The following SLC30A9 variants were observed in gnomAD, a reference collection of about 807,000 sequenced individuals.
SLC30A9 encodes the protein solute carrier family 30 member 9.
SLC30A9 carries 58 observed loss-of-function variants against 87.5 expected under a neutral mutation model. The ratio of observed to expected loss-of-function variants is 0.66; its 90% CI spans 0.54 to 0.82. SLC30A9 has a LOEUF of 0.82. Ranked by LOEUF, SLC30A9 falls within the 40% of genes least tolerant of loss-of-function variation. The pLI is 0.00. For synonymous variants in SLC30A9, 234 were observed against 233.0 expected, an observed-to-expected ratio of 1.00 and a Z score of -0.04; for missense variants, 557 against 679.1, an observed-to-expected ratio of 0.82 and a Z score of 2.00.
At chr4:42,023,215 G>T in intron 5 of SLC30A9, 87 bp from the exon 6 acceptor site, 1 of 935,160 alleles carries the variant, frequency 1.1e-6, no homozygotes. Context: ...TTTGTTGTAA[G>T]ATTCTCATTA....
At chr4:42,070,725 A>G in intron 15 of SLC30A9, 34 bp downstream of exon 15, 1 of 1,543,250 alleles carries the variant, frequency 6.5e-7, no homozygotes, top group Non-Finnish European at 8.8e-7. Context: ...GTTAAGGCTT[A>G]CAAAAACATA....
rs905349135 is a variant in SLC30A9, at chr4:42,065,251, A to G, written c.1033-59A>G. The G allele has an allele frequency of 1.8e-5, 16 of 885,614 alleles. No individual in the cohort carries two copies. The South Asian group carries it at 1.9e-4, about 10-fold the overall frequency. The allele number at this position is 885,614 out of a possible 1,614,324, so 54.9% of individuals were successfully genotyped here. A position where few individuals can be genotyped will look rare whatever the true frequency, so the allele number is the denominator to read the frequency against. On this transcript the variant is annotated intron_variant, in intron 11 of 17. Coordinates refer to ENST00000264451, the MANE Select transcript of SLC30A9 (RefSeq NM_006345.4). ...GTTTTAGACATTACGGACTTTATAT[A>G]TGAACAATTGTGATTGGAAGTACTT...
intron 2 of SLC30A9, among the ~76,000 whole-genome samples, chr4:42,004,302 C>T (rs1715106210): frequency 6.6e-6 from 1 of 152,022 alleles, no homozygotes; most frequent in African/African-American, 2.4e-5. Context: ...GTATGTATTT[C>T]TTTGTATTTA....
intron 6 of SLC30A9, among the ~76,000 whole-genome samples, chr4:42,033,429 A>G (rs1338117962): frequency 6.6e-6 from 1 of 152,018 alleles, no homozygotes; most frequent in Non-Finnish European, 1.5e-5. Context: ...ACTTGAGACC[A>G]GGAGTTTGAG....
chr4:42,066,650 TTC>T, intron 13 of SLC30A9, 29 bp downstream of exon 13: 1 of 1,455,372 alleles, frequency 6.9e-7, no homozygotes, highest in Non-Finnish European at 9.6e-7. Context: ...AAGTGTTTGT[TTC>T]ACCTCCCTTA....
intron 7 of SLC30A9, among the ~76,000 whole-genome samples, chr4:42,037,090 T>C (rs1716705238): frequency 6.6e-6 from 1 of 152,190 alleles, no homozygotes; most frequent in African/African-American, 2.4e-5. Flanking sequence ...TACAACGTTT[T>C]TTTGCTGGGA....
At chr4:41,991,050 C>G (rs1018837301) in intron 1 of SLC30A9, among the ~76,000 whole-genome samples, 6 of 152,252 alleles carry the variant, frequency 3.9e-5, no homozygotes, top group Non-Finnish European at 7.3e-5. Flanking sequence ...CAAAATGTTA[C>G]GTGCGCATCG....
intron 17 of SLC30A9, among the ~76,000 whole-genome samples, chr4:42,083,828 TA>T (rs998929835): frequency 6.6e-6 from 1 of 152,068 alleles, no homozygotes; most frequent in African/African-American, 2.4e-5. Context: ...TAGTTTTAAA[TA>T]AGGAAAAAGT....
chr4:42,028,270 A>T (rs1466889284), intron 6 of SLC30A9, among the ~76,000 whole-genome samples: 1 of 152,146 alleles, frequency 6.6e-6, no homozygotes, highest in Non-Finnish European at 1.5e-5. Flanking sequence ...GGTGCGTGCT[A>T]CCATGCCCGG....
intron 2 of SLC30A9, among the ~76,000 whole-genome samples, chr4:42,009,336 T>G (rs16853892): frequency 0.019 from 2,923 of 152,332 alleles, 93 homozygotes; most frequent in African/African-American, 0.067. Flanking sequence ...ATTTGTATAT[T>G]TAAAGATTTG....
chr4:42,020,498 G>T lies in SLC30A9; in HGVS notation c.417G>T (p.Glu139Asp). The T allele has an allele frequency of 6.3e-7, 1 of 1,588,706 alleles. No homozygotes were observed. The highest frequency in any genetic ancestry group is 8.6e-7 in the Non-Finnish European group (1 of 1,160,550). ...NFITGVRAIN[E>D]FCLKSSDLEQ... is the part of the protein sequence containing the mutation. Reference sequence around the variant, plus strand: ...TCACTGGAGTCAGAGCGATAAATGAGTTCTGCCTCAAATCCAGGTAATTTT... The same window carrying T: ...TCACTGGAGTCAGAGCGATAAATGATTTCTGCCTCAAATCCAGGTAATTTT... The change falls in exon 4 of 18, where the codon GAG (glutamate) becomes GAT (aspartate). Residue 139 changes from glutamate (E) to aspartate (D), a missense_variant. Around this residue, in one of 2 missense-constraint regions of SLC30A9, gnomAD observed 467 missense variants for 529.8 expected, o/e 0.88. Transcript: ENST00000264451.
intron 14 of SLC30A9, among the ~76,000 whole-genome samples, chr4:42,067,596 C>T (rs1456375309): frequency 6.6e-6 from 1 of 152,072 alleles, no homozygotes; most frequent in African/African-American, 2.4e-5. Flanking sequence ...ATACATAGGT[C>T]CTCAAATAAC....
intron 8 of SLC30A9, among the ~76,000 whole-genome samples, chr4:42,043,213 T>C (rs2153137835): frequency 6.6e-6 from 1 of 152,052 alleles, no homozygotes; most frequent in East Asian, 1.9e-4. Context: ...GGAACAAAAC[T>C]GGACGGAGAA....
chr4:42,028,899 G>C (rs557491001), intron 6 of SLC30A9, among the ~76,000 whole-genome samples: 11 of 152,330 alleles, frequency 7.2e-5, no homozygotes, highest in Admixed American at 2.6e-4. Flanking sequence ...TTTTGCTGCA[G>C]ACGTTATTTT....
intron 9 of SLC30A9, among the ~76,000 whole-genome samples, chr4:42,049,940 G>C (rs531174424): frequency 3.4e-4 from 51 of 152,132 alleles, no homozygotes; most frequent in African/African-American, 1.1e-3. Flanking sequence ...GTGAAAACTA[G>C]AAACCCAAAA....
intron 2 of SLC30A9, among the ~76,000 whole-genome samples, chr4:42,013,371 A>T (rs1194140922): frequency 6.6e-6 from 1 of 152,188 alleles, no homozygotes; most frequent in Non-Finnish European, 1.5e-5. Flanking sequence ...TCTTTCTCAG[A>T]TACTACTGCA....
chr4:42,009,768 A>G (rs1285756735), intron 2 of SLC30A9, among the ~76,000 whole-genome samples: 1 of 152,218 alleles, frequency 6.6e-6, no homozygotes. Flanking sequence ...GCTTAAAGCA[A>G]CTCATTTTAT....
chr4:42,061,423 G>A (rs914841758), intron 10 of SLC30A9, among the ~76,000 whole-genome samples: 8 of 152,124 alleles, frequency 5.3e-5, no homozygotes, highest in African/African-American at 1.9e-4. Flanking sequence ...ATCACCTGAA[G>A]TAATACCATT....
rs910155083 is a variant in SLC30A9, at chr4:42,088,074, C to T, written c.*1948C>T. 5.3e-5 allele frequency: 8 copies of T among 151,262 alleles called. No homozygotes were observed. The highest frequency in any genetic ancestry group is 4.4e-5 in the Non-Finnish European group (3 of 67,914). The allele number at this position is 151,262 out of a possible 1,614,324, so 9.4% of individuals were successfully genotyped here. A position where few individuals can be genotyped will look rare whatever the true frequency, so the allele number is the denominator to read the frequency against. Reference sequence around the variant, plus strand: ...AATCTGATTTTGGTTGAGGTCATACCATTCTTAAATAATAATTGAAGGTTT... The same window carrying T: ...AATCTGATTTTGGTTGAGGTCATACTATTCTTAAATAATAATTGAAGGTTT... On this transcript the variant is annotated 3_prime_UTR_variant, in exon 18 of 18. Transcript: ENST00000264451.
Sources: allele counts gnomAD v4.1 joint callset (sites outside exome capture counted in the v4.1 genomes callset), GRCh38; gene constraint gnomAD v4.1.1; regional missense constraint gnomAD v4.1.1; transcripts MANE v1.5; gene names NCBI Gene and HGNC (gene_info 2026-07-23, HGNC 2026-07-21).